FARS2: variants seen among roughly 807,000 people sequenced by gnomAD.
The protein encoded by FARS2 is phenylalanyl-tRNA synthetase 2, mitochondrial.
A neutral mutation model predicts 46.4 loss-of-function variants in FARS2; 40 were observed. The observed-to-expected ratio is 0.86, with a 90% CI of 0.67 to 1.12. The LOEUF is 1.12. FARS2 is among the 50% of genes most tolerant of loss of function. FARS2 has a pLI of 0.00. For synonymous variants in FARS2, 234 were observed against 214.9 expected (o/e 1.09, Z -0.78); for missense variants, 513 against 567.9 (o/e 0.90, Z 0.98).
At chr6:5,588,508 C>T (rs796500742) in intron 5 of FARS2, among the ~76,000 whole-genome samples, 3 of 152,286 alleles carry the variant, frequency 2.0e-5, no homozygotes, top group African/African-American at 7.2e-5. Flanking sequence ...TCCTAGGGAC[C>T]TCTGCTAATG....
At chr6:5,464,551 C>T (rs1765411951) in intron 4 of FARS2, among the ~76,000 whole-genome samples, 1 of 152,208 alleles carries the variant, frequency 6.6e-6, no homozygotes, top group Non-Finnish European at 1.5e-5. Context: ...TTCGAATGCT[C>T]TCCTTACCTT....
chr6:5,271,078 C>T (rs1298962187), intron 1 of FARS2, among the ~76,000 whole-genome samples: 2 of 152,212 alleles, frequency 1.3e-5, no homozygotes, highest in Non-Finnish European at 2.9e-5. Context: ...GCTTTATTGT[C>T]TCCTGTGTCT....
chr6:5,426,345 C>T lies in FARS2; in HGVS notation c.773-4696C>T, dbSNP rs527765817. 4.6e-5 allele frequency among the ~76,000 whole-genome samples: 7 copies of T among 152,154 alleles called. No individual in the cohort carries two copies. In the South Asian group the frequency reaches 8.3e-4, roughly 18 times the overall value. On this transcript the variant is annotated intron_variant, in intron 3 of 6. Transcript: ENST00000274680. ...CTCTATTAATATATAACACAAAATA[C>T]GTAATTTTTAGTAAATATTCTGACT...
In FARS2 at chr6:5,728,309, G is replaced by T. The variant is rs1240415433; in HGVS notation, c.1218-42982G>T. On this transcript the variant is annotated intron_variant, in intron 6 of 6. Transcript: ENST00000274680. ...TTGCTAATGTGCTTAGAAGGGTCTTGAGTGCTTTCACTCAGTGACATTTGG... is the reference window on the plus strand; with the variant it reads ...TTGCTAATGTGCTTAGAAGGGTCTTTAGTGCTTTCACTCAGTGACATTTGG... 3.9e-5 allele frequency among the ~76,000 whole-genome samples: 6 copies of T among 151,978 alleles called. No homozygotes were observed. In the East Asian group the frequency reaches 1.0e-3, roughly 25 times the overall value.
intron 6 of FARS2, among the ~76,000 whole-genome samples, chr6:5,770,911 G>A (rs925605498): frequency 6.6e-6 from 1 of 152,118 alleles, no homozygotes; most frequent in African/African-American, 2.4e-5. Context: ...CACGCGGGTT[G>A]ACCCCTGACC....
chr6:5,492,811 T>G (rs1456038619), intron 4 of FARS2, among the ~76,000 whole-genome samples: 1 of 152,002 alleles, frequency 6.6e-6, no homozygotes, highest in Non-Finnish European at 1.5e-5. Context: ...CCCTGCAATC[T>G]TTTGTTTATG....
In FARS2 at chr6:5,279,171, A is replaced by G. The variant is rs141505057; in HGVS notation, c.-22+17511A>G. 9.8e-3 allele frequency among the ~76,000 whole-genome samples: 1,492 copies of G among 151,978 alleles called. 22 individuals are homozygous for G. The highest frequency in any genetic ancestry group is 0.034 in the African/African-American group (1,411 of 41,420). On this transcript the variant is annotated intron_variant, in intron 1 of 6. Coordinates refer to ENST00000274680, the MANE Select transcript of FARS2 (RefSeq NM_006567.5). Reference sequence around the variant, plus strand: ...GGCGGGCGGATCATGAGGTCAGGAAATCGAGAACACCCTGGCTAACACGGT... The same window carrying G: ...GGCGGGCGGATCATGAGGTCAGGAAGTCGAGAACACCCTGGCTAACACGGT...
At chr6:5,555,051 GGAGGGACCA>G (rs901015708) in intron 5 of FARS2, among the ~76,000 whole-genome samples, 5 of 152,080 alleles carry the variant, frequency 3.3e-5, no homozygotes. Flanking sequence ...ACGTGTTGTG[GGAGGGACCA>G]GATGGCAGAT....
chr6:5,368,925 G>A lies in FARS2; in HGVS notation c.355G>A (p.Val119Met). ...LFSVYDNLSP[V>M]VTTWQNFDSL... The stretch of plus-strand genomic sequence containing the variant: ...CTCGGTCTACGACAACCTTTCTCCA[G>A]TGGTCACGACCTGGCAGAACTTTGA... Residue 119 changes from valine (V) to methionine (M), a missense_variant, in exon 2 of 7, where the codon GTG becomes ATG. By Grantham distance (21) the Val-to-Met change is conservative. Coordinates refer to ENST00000274680, the MANE Select transcript of FARS2 (RefSeq NM_006567.5). 1 of 1,614,142 alleles carries A rather than the reference G, an allele frequency of 6.2e-7. No individual in the cohort carries two copies. Among genetic ancestry groups the A allele is most frequent in the Non-Finnish European group, 8.5e-7 (1 of 1,180,024 alleles).
intron 1 of FARS2, among the ~76,000 whole-genome samples, chr6:5,342,282 A>G (rs1479280199): frequency 2.6e-5 from 4 of 152,250 alleles, no homozygotes; most frequent in Non-Finnish European, 5.9e-5. Flanking sequence ...GTCAAGCACA[A>G]TAATCAACAG....
At chr6:5,683,872 T>G (rs1456731879) in intron 6 of FARS2, among the ~76,000 whole-genome samples, 1 of 152,190 alleles carries the variant, frequency 6.6e-6, no homozygotes, top group African/African-American at 2.4e-5. Flanking sequence ...CATGTGGTAT[T>G]TGGTTTTCTG....
chr6:5,366,010 A>G (rs568683570), intron 1 of FARS2, among the ~76,000 whole-genome samples: 4 of 152,094 alleles, frequency 2.6e-5, no homozygotes, highest in African/African-American at 9.6e-5. Context: ...GGTAGAAGAG[A>G]TAGGGGAGGC....
At chr6:5,270,533 T>G (rs1004182762) in intron 1 of FARS2, among the ~76,000 whole-genome samples, 2 of 152,228 alleles carry the variant, frequency 1.3e-5, no homozygotes, top group African/African-American at 4.8e-5. Context: ...TGTGTCAAGT[T>G]ACAGTGTTTG....
At chr6:5,537,729 G>A (rs946053850) in intron 4 of FARS2, among the ~76,000 whole-genome samples, 1 of 152,246 alleles carries the variant, frequency 6.6e-6, no homozygotes, top group African/African-American at 2.4e-5. Flanking sequence ...GGCAGAGCTT[G>A]TAGAGCCAGC....
chr6:5,324,728 A>G (rs1444527314), intron 1 of FARS2, among the ~76,000 whole-genome samples: 1 of 151,770 alleles, frequency 6.6e-6, no homozygotes, highest in Non-Finnish European at 1.5e-5. Flanking sequence ...CAACTTGATG[A>G]AATGAACAAT....
the FARS2 span, among the ~76,000 whole-genome samples, chr6:5,250,330 A>C: frequency 1.3e-5 from 2 of 152,200 alleles, no homozygotes; most frequent in Admixed American, 1.3e-4. Context: ...TGACACGCAG[A>C]TCTAATAACT....
chr6:5,507,399 T>C (rs1768162417), intron 4 of FARS2, among the ~76,000 whole-genome samples: 1 of 151,070 alleles, frequency 6.6e-6, no homozygotes. Flanking sequence ...AAAAAAAAAA[T>C]CTGATGTTTA....
At chr6:5,446,182 G>A (rs1338087399) in intron 4 of FARS2, among the ~76,000 whole-genome samples, 3 of 150,076 alleles carry the variant, frequency 2.0e-5, no homozygotes, top group Non-Finnish European at 4.4e-5. Flanking sequence ...CAGCCTGGGC[G>A]ACAGAGTGAG....
At chr6:5,701,854 T>G (rs537857784) in intron 6 of FARS2, among the ~76,000 whole-genome samples, 2 of 152,230 alleles carry the variant, frequency 1.3e-5, no homozygotes, top group Non-Finnish European at 2.9e-5. Flanking sequence ...GCTCGTGGCA[T>G]GTGGTTGAGT....
Sources: allele counts gnomAD v4.1 joint callset (sites outside exome capture counted in the v4.1 genomes callset), GRCh38; gene constraint gnomAD v4.1.1; transcripts MANE v1.5; gene names NCBI Gene and HGNC (gene_info 2026-07-23, HGNC 2026-07-21).